The following PLPPR5 variants were observed in gnomAD, a reference collection of about 807,000 sequenced individuals.
PLPPR5 encodes the protein phospholipid phosphatase related 5.
Under a neutral mutation model 33.9 loss-of-function variants are expected in PLPPR5, and 16 were observed. That is an observed-to-expected ratio of 0.47 (90% confidence interval 0.32 to 0.72). PLPPR5 has a LOEUF of 0.72. PLPPR5 is among the 30% of genes least tolerant of loss of function. PLPPR5 has a pLI of 0.03. For missense variants in PLPPR5, 301 were observed against 406.7 expected (o/e 0.74, Z 2.23); for synonymous variants, 163 against 150.3 (o/e 1.08, Z -0.62).
chr1:98,893,189 T>G, intron 5 of PLPPR5, 85 bp from the exon 6 acceptor site: 1 of 1,289,318 alleles, frequency 7.8e-7, no homozygotes. Flanking sequence ...AAATAATCAT[T>G]AGCTTATATG....
Position 98,956,646 on chromosome 1 carries a change from A to G in PLPPR5, c.333T>C (p.Tyr111=). Residue 111 remains tyrosine, a synonymous_variant, in exon 2 of 6, where the codon TAT becomes TAC. Coordinates refer to ENST00000263177, the MANE Select transcript of PLPPR5 (RefSeq NM_001037317.2). ...EKTILTGDCC[Y]INPLVRRTVR... Reference sequence around the variant, plus strand: ...CAGTTCGGCGCACCAGCGGGTTTATATAGCAACAGTCTCCAGTTAAAATAG... The same window carrying G: ...CAGTTCGGCGCACCAGCGGGTTTATGTAGCAACAGTCTCCAGTTAAAATAG... The G allele has an allele frequency of 6.2e-7, 1 of 1,601,790 alleles. No individual in the cohort carries two copies.
intron 3 of PLPPR5, among the ~76,000 whole-genome samples, chr1:98,952,546 T>G (rs1004475374): frequency 6.6e-6 from 1 of 152,076 alleles, no homozygotes; most frequent in African/African-American, 2.4e-5. Context: ...CTCTCAAGAC[T>G]AAAGGAAAAA....
chr1:98,944,642 T>G (rs541734997), intron 3 of PLPPR5, among the ~76,000 whole-genome samples: 1 of 152,358 alleles, frequency 6.6e-6, no homozygotes, highest in South Asian at 2.1e-4. Context: ...GTTTGTGATA[T>G]TTTGTTAGAG....
chr1:98,903,624 C>A (rs1368030392), intron 5 of PLPPR5, among the ~76,000 whole-genome samples: 2 of 151,728 alleles, frequency 1.3e-5, no homozygotes, highest in African/African-American at 4.8e-5. Context: ...ATGGGAGTAT[C>A]CTAGTGTGAA....
chr1:98,967,968 G>A (rs1570742011), intron 1 of PLPPR5, among the ~76,000 whole-genome samples: 1 of 152,246 alleles, frequency 6.6e-6, no homozygotes, highest in East Asian at 1.9e-4. Flanking sequence ...ACATGTAGAT[G>A]AGGGTCAGTG....
At chr1:98,963,525 CAGAGAGAGAG>C (rs138157987) in intron 1 of PLPPR5, among the ~76,000 whole-genome samples, 1 of 151,402 alleles carries the variant, frequency 6.6e-6, no homozygotes, top group African/African-American at 2.4e-5. Context: ...CAGAGAGAGA[CAGAGAGAGAG>C]AGAGATTGAA....
chr1:98,985,594 C>T (rs763293682), intron 1 of PLPPR5, among the ~76,000 whole-genome samples: 13 of 152,026 alleles, frequency 8.6e-5, no homozygotes, highest in Non-Finnish European at 1.9e-4. Context: ...GAGCAATTTC[C>T]AGTCCTGCAA....
intron 5 of PLPPR5, among the ~76,000 whole-genome samples, chr1:98,898,375 G>C (rs1200309982): frequency 6.6e-6 from 1 of 152,138 alleles, no homozygotes; most frequent in Non-Finnish European, 1.5e-5. Context: ...AAGATAGGTG[G>C]ATGTCATAAT....
At chr1:98,935,321 A>G (rs1650135979) in intron 3 of PLPPR5, among the ~76,000 whole-genome samples, 1 of 152,236 alleles carries the variant, frequency 6.6e-6, no homozygotes, top group African/African-American at 2.4e-5. Context: ...AACCAGCAAG[A>G]GTAGGGGCTA....
chr1:98,923,136 A>C (rs1411739776), intron 3 of PLPPR5, among the ~76,000 whole-genome samples: 1 of 152,206 alleles, frequency 6.6e-6, no homozygotes, highest in Non-Finnish European at 1.5e-5. Context: ...CAGCAAATGA[A>C]ATGTCATGAG....
chr1:98,972,313 C>T (rs1651689847), intron 1 of PLPPR5, among the ~76,000 whole-genome samples: 1 of 152,038 alleles, frequency 6.6e-6, no homozygotes, highest in South Asian at 2.1e-4. Flanking sequence ...TTAGACATTG[C>T]CTCAAAAAGC....
intron 4 of PLPPR5, among the ~76,000 whole-genome samples, chr1:98,918,743 C>T (rs79734562): frequency 0.024 from 3,626 of 152,200 alleles, 143 homozygotes; most frequent in African/African-American, 0.082. Flanking sequence ...ACGTGAAGAC[C>T]GTGGTATTCA....
chr1:98,958,274 G>A (rs1045707244), intron 1 of PLPPR5, among the ~76,000 whole-genome samples: 3 of 152,216 alleles, frequency 2.0e-5, no homozygotes, highest in Non-Finnish European at 4.4e-5. Context: ...AAAATAGAAA[G>A]TGTGAGGTAG....
chr1:98,928,725 C>T (rs1354738252), intron 3 of PLPPR5, among the ~76,000 whole-genome samples: 3 of 151,116 alleles, frequency 2.0e-5, no homozygotes, highest in Non-Finnish European at 4.4e-5. Flanking sequence ...TATATTGCTT[C>T]GAGTTGGGCA....
chr1:98,982,009 A>G (rs1160276582), intron 1 of PLPPR5, among the ~76,000 whole-genome samples: 9 of 152,130 alleles, frequency 5.9e-5, no homozygotes, highest in Non-Finnish European at 1.5e-5. Flanking sequence ...CTCCAAGGAA[A>G]GAAACTTTTC....
chr1:98,969,013 C>T (rs1014854873), intron 1 of PLPPR5, among the ~76,000 whole-genome samples: 4 of 152,004 alleles, frequency 2.6e-5, no homozygotes, highest in African/African-American at 9.7e-5. Flanking sequence ...GTATAGTTTC[C>T]TCCCAACTAC....
chr1:98,890,710 T>G lies in PLPPR5; in HGVS notation c.*2362A>C, dbSNP rs1557658207. On this transcript the variant is annotated 3_prime_UTR_variant, in exon 6 of 6. Coordinates refer to ENST00000263177, the MANE Select transcript of PLPPR5 (RefSeq NM_001037317.2). ...TTATTCTCAGTAACAGCATCATGAA[T>G]AAGGGCTATTTTCTGGCTTTTGCCT... 1 of 152,590 alleles carries G rather than the reference T, an allele frequency of 6.6e-6. No homozygotes were observed. The highest frequency in any genetic ancestry group is 1.5e-5 in the Non-Finnish European group (1 of 68,006). 9.5% of individuals were successfully genotyped at this position (152,590 alleles called of 1,614,324 possible). A position where few individuals can be genotyped will look rare whatever the true frequency, so the allele number is the denominator to read the frequency against.
At chr1:98,993,708 G>T (rs898509332) in intron 1 of PLPPR5, among the ~76,000 whole-genome samples, 4 of 152,068 alleles carry the variant, frequency 2.6e-5, no homozygotes, top group African/African-American at 9.7e-5. Flanking sequence ...AGAACATAGT[G>T]TTCTGCTTTG....
intron 3 of PLPPR5, among the ~76,000 whole-genome samples, chr1:98,928,126 G>C (rs1055337678): frequency 6.6e-6 from 1 of 152,024 alleles, no homozygotes; most frequent in Non-Finnish European, 1.5e-5. Context: ...GTAGCCAGTA[G>C]CTACTGTAGC....
Sources: allele counts gnomAD v4.1 joint callset (sites outside exome capture counted in the v4.1 genomes callset), GRCh38; gene constraint gnomAD v4.1.1; transcripts MANE v1.5; gene names NCBI Gene and HGNC (gene_info 2026-07-23, HGNC 2026-07-21).